The following METTL4 variants were observed in gnomAD, a reference collection of about 807,000 sequenced individuals.
METTL4 encodes methyltransferase 4, N6-adenosine.
METTL4 carries 40 observed loss-of-function variants against 54.0 expected under a neutral mutation model. The observed-to-expected ratio is 0.74, with a 90% CI of 0.58 to 0.96. The LOEUF is 0.96. Ranked by LOEUF, METTL4 falls within the 50% of genes least tolerant of loss-of-function variation. METTL4 has a pLI of 0.00. For missense variants in METTL4, 525 were observed against 549.0 expected (o/e 0.96, Z 0.44); for synonymous variants, 169 against 183.8 (o/e 0.92, Z 0.65).
chr18:2,565,518 TA>T (rs945959742), intron 2 of METTL4, among the ~76,000 whole-genome samples: 3 of 151,742 alleles, frequency 2.0e-5, no homozygotes, highest in Middle Eastern at 3.4e-3. Context: ...AAATTAAAAT[TA>T]AAAAAAAGAA....
chr18:2,547,461 A>C lies in METTL4; in HGVS notation c.968T>G (p.Leu323Arg). Residue 323 changes from leucine (L) to arginine (R), a missense_variant, in exon 6 of 9, where the codon CTT becomes CGT. Coordinates refer to ENST00000574538, the MANE Select transcript of METTL4 (RefSeq NM_022840.5). ...TCTATTGGTCACCCAAGTAACAAGA[A>C]GACAGTTTGGAGCAGCCAATTTAGG... ...PIPKLAAPNCLLVTWVTNRQK... is the reference protein window; with the variant it reads ...PIPKLAAPNCRLVTWVTNRQK... 1.2e-6 allele frequency: 2 copies of C among 1,612,718 alleles called. No homozygotes were observed. The highest frequency in any genetic ancestry group is 8.5e-7 in the Non-Finnish European group (1 of 1,179,210).
At chr18:2,564,890 A>C (rs2072379143) in intron 2 of METTL4, among the ~76,000 whole-genome samples, 1 of 152,182 alleles carries the variant, frequency 6.6e-6, no homozygotes, top group Non-Finnish European at 1.5e-5. Context: ...TATTATCTGA[A>C]TTACTTATAT....
intron 4 of METTL4, 151 bp from the exon 5 acceptor site, chr18:2,552,915 G>C: frequency 1.8e-6 from 1 of 569,234 alleles, no homozygotes; most frequent in Non-Finnish European, 3.1e-6. Flanking sequence ...TATTCAAACA[G>C]AGTAATTTAT....
Position 2,554,667 on chromosome 18 carries a change from A to G in METTL4, c.829+2T>C. 6.3e-7 allele frequency: 1 copy of G among 1,586,718 alleles called. No homozygotes were observed. The highest frequency in any genetic ancestry group is 8.5e-7 in the Non-Finnish European group (1 of 1,173,630). On this transcript the variant is annotated splice_donor_variant, in intron 4 of 8. Coordinates refer to ENST00000574538, the MANE Select transcript of METTL4 (RefSeq NM_022840.5). LOFTEE classifies it high-confidence loss of function. ...CTAATAACAAACACAATAATTACTT[A>G]CAGTTTAGAAGTGGTTGCATACAAG...
intron 5 of METTL4, among the ~76,000 whole-genome samples, chr18:2,548,619 CT>C (rs1351644681): frequency 6.6e-6 from 1 of 152,190 alleles, no homozygotes; most frequent in East Asian, 1.9e-4. Context: ...CCATAATCCA[CT>C]CCAATGCCAT....
intron 3 of METTL4, among the ~76,000 whole-genome samples, chr18:2,556,874 G>A (rs58745509): frequency 0.012 from 1,780 of 152,148 alleles, 25 homozygotes; most frequent in South Asian, 0.043. Flanking sequence ...GGAGGAATCC[G>A]CACTATGTAA....
intron 3 of METTL4, among the ~76,000 whole-genome samples, chr18:2,559,919 G>A (rs1203802626): frequency 6.6e-6 from 1 of 152,008 alleles, no homozygotes; most frequent in African/African-American, 2.4e-5. Context: ...TATATTTTTA[G>A]TAGAAATGGG....
chr18:2,565,904 A>G (rs1008108438), intron 2 of METTL4, among the ~76,000 whole-genome samples: 17 of 152,020 alleles, frequency 1.1e-4, no homozygotes, highest in Admixed American at 1.3e-4. Context: ...AAAATTAGCC[A>G]GGCGTGGTGG....
At chr18:2,561,360 A>C (rs1567977015) in intron 3 of METTL4, 1 of 152,246 alleles carries the variant, frequency 6.6e-6, no homozygotes, top group Non-Finnish European at 1.5e-5. Context: ...CTACAACTTA[A>C]CAAGAAACCT....
intron 1 of METTL4, among the ~76,000 whole-genome samples, chr18:2,570,669 G>A (rs1489144827): frequency 6.6e-6 from 1 of 152,114 alleles, no homozygotes; most frequent in Non-Finnish European, 1.5e-5. Context: ...CACAGCTGAG[G>A]TGAAAAGGGT....
At chr18:2,548,099 C>A (rs557577500) in intron 5 of METTL4, among the ~76,000 whole-genome samples, 1 of 152,132 alleles carries the variant, frequency 6.6e-6, no homozygotes, top group South Asian at 2.1e-4. Flanking sequence ...CATTTGCAAC[C>A]CCTAATCTAT....
At chr18:2,564,635 C>T (rs1339434279) in intron 2 of METTL4, among the ~76,000 whole-genome samples, 3 of 152,152 alleles carry the variant, frequency 2.0e-5, no homozygotes, top group Non-Finnish European at 2.9e-5. Context: ...GCTGAAACTC[C>T]AGTGCTTACC....
At position 2,544,222 on chromosome 18, in the gene METTL4, G is replaced by C. The variant is rs1436398565; in HGVS notation, c.1246C>G (p.Leu416Val). ...GCAAGCGGTGGCTTATGTGAGTGAA[G>C]AGTACAGGGCACGCTGACAATTAAT... ...HKLIVSVPCTLHSHKPPLAEV... is the reference protein window; with the variant it reads ...HKLIVSVPCTVHSHKPPLAEV... Residue 416 changes from leucine (L) to valine (V), a missense_variant, in exon 8 of 9, where the codon CTT (leucine) becomes GTT (valine). By Grantham distance (32) the Leu-to-Val change is conservative (BLOSUM62 1). Transcript: ENST00000574538. 2 of 1,611,296 alleles carry C rather than the reference G, an allele frequency of 1.2e-6. No homozygotes were observed. The highest frequency in any genetic ancestry group is 1.1e-5 in the South Asian group (1 of 90,410).
In METTL4 at chr18:2,567,220, C is replaced by T; in HGVS notation, c.-4G>A. 6.4e-7 allele frequency: 1 copy of T among 1,557,344 alleles called. No individual in the cohort carries two copies. The highest frequency in any genetic ancestry group is 8.7e-7 in the Non-Finnish European group (1 of 1,153,792). On this transcript the variant is annotated 5_prime_UTR_variant, in exon 2 of 9. Transcript: ENST00000574538. ...ACAACTGGTGTACCACAGACATTCC[C>T]TTCCTTTAAAAAAGCCTCTGGGAAT...
At chr18:2,551,163 C>CAAAAAAAAAAAAAAAAAAAAA (rs752257490) in intron 5 of METTL4, among the ~76,000 whole-genome samples, 1 of 49,288 alleles carries the variant, frequency 2.0e-5, no homozygotes. Flanking sequence ...GACTCCGTCT[C>CAAAAAAAAAAAAAAAAAAAAA]AAAAAAAAAA....
At chr18:2,539,287 C>T (rs986711791) in intron 8 of METTL4, 142 bp from the exon 9 acceptor site, 1 of 696,226 alleles carries the variant, frequency 1.4e-6, no homozygotes, top group African/African-American at 1.8e-5. Flanking sequence ...TCATCACAGG[C>T]TTTACTATTT....
At chr18:2,556,560 G>A (rs1429762134) in intron 3 of METTL4, among the ~76,000 whole-genome samples, 1 of 152,070 alleles carries the variant, frequency 6.6e-6, no homozygotes, top group African/African-American at 2.4e-5. Context: ...TGGAAACATA[G>A]GAATGATACA....
chr18:2,552,938 G>T, intron 4 of METTL4, 174 bp from the exon 5 acceptor site: 1 of 556,324 alleles, frequency 1.8e-6, no homozygotes, highest in Non-Finnish European at 3.2e-6. Context: ...TTAAATATTA[G>T]ATGTTTCCTT....
At chr18:2,560,128 A>C (rs1251449978) in intron 3 of METTL4, among the ~76,000 whole-genome samples, 2 of 152,186 alleles carry the variant, frequency 1.3e-5, no homozygotes, top group African/African-American at 4.8e-5. Context: ...TCTATTAAAA[A>C]ACCTGATTTT....
Sources: gnomAD v4.1 joint callset for allele counts (sites outside exome capture counted in the v4.1 genomes callset) on GRCh38, gnomAD v4.1.1 for gene constraint, MANE v1.5 for transcripts, NCBI Gene and HGNC (gene_info 2026-07-23, HGNC 2026-07-21) for gene names.